Variants in UBA6 observed in about 807,000 individuals in gnomAD.
UBA6 encodes ubiquitin like modifier activating enzyme 6, also known as ubiquitin-like modifier-activating enzyme 6.
Under a neutral mutation model 148.3 loss-of-function variants are expected in UBA6, and 87 were observed. That is an observed-to-expected ratio of 0.59 (90% CI 0.49 to 0.70). The LOEUF is 0.70. Among genes scored for constraint, UBA6 ranks in the 30% least tolerant of loss-of-function variants. The probability of loss-of-function intolerance (pLI) is 0.00; values close to 1 mark genes in which losing one functional copy is unlikely to be tolerated. For missense variants in UBA6, 1,186 were observed against 1,241.2 expected (o/e 0.96, Z 0.67); for synonymous variants, 376 against 401.0 (o/e 0.94, Z 0.75).
At chr4:67,687,034 GT>G (rs71219066) in intron 2 of UBA6, among the ~76,000 whole-genome samples, 1,770 of 82,490 alleles carry the variant, frequency 0.021, 37 homozygotes, top group African/African-American at 0.075. Flanking sequence ...TTAAGACTAT[GT>G]TTTTTTTTTT....
At chr4:67,664,249 TATA>T (rs1729934820) in intron 10 of UBA6, among the ~76,000 whole-genome samples, 1 of 152,040 alleles carries the variant, frequency 6.6e-6, no homozygotes, top group African/African-American at 2.4e-5. Context: ...ACCATATTTT[TATA>T]ATACCAGGTT....
At chr4:67,643,979 C>T (rs1462046210) in intron 17 of UBA6, among the ~76,000 whole-genome samples, 1 of 152,004 alleles carries the variant, frequency 6.6e-6, no homozygotes, top group African/African-American at 2.4e-5. Flanking sequence ...GAACATCTGC[C>T]TGTTAACTAT....
chr4:67,674,321 C>A (rs1730224104), intron 6 of UBA6, among the ~76,000 whole-genome samples: 1 of 152,134 alleles, frequency 6.6e-6, no homozygotes, highest in Non-Finnish European at 1.5e-5. Flanking sequence ...GAATGCAAGG[C>A]CCTTACCGCT....
At chr4:67,684,514 G>A (rs1038976502) in intron 2 of UBA6, among the ~76,000 whole-genome samples, 3 of 151,874 alleles carry the variant, frequency 2.0e-5, no homozygotes, top group Non-Finnish European at 2.9e-5. Context: ...TTAATTTCCC[G>A]CTTAAATGCA....
intron 12 of UBA6, chr4:67,662,822 C>A: frequency 4.8e-6 from 1 of 208,436 alleles, no homozygotes; most frequent in Non-Finnish European, 9.6e-6. Flanking sequence ...TCTGACTTAA[C>A]AGGATATAAA....
At chr4:67,673,860 G>A in intron 6 of UBA6, 83 bp from the exon 7 acceptor site, 1 of 971,142 alleles carries the variant, frequency 1.0e-6, no homozygotes, top group East Asian at 2.6e-5. Flanking sequence ...ATGTCAGTTT[G>A]CGTTGTGCTA....
Position 67,624,041 on chromosome 4 carries a change from G to C in UBA6, c.2840+85C>G, listed in dbSNP as rs911491079. The C allele has an allele frequency of 2.8e-5, 33 of 1,192,362 alleles. No individual in the cohort carries two copies. The African/African-American group carries it at 5.0e-4, about 18-fold the overall frequency. 73.9% of individuals were successfully genotyped at this position (1,192,362 alleles called of 1,614,324 possible). Reference sequence around the variant, plus strand: ...CACATACACAATAGAAGAAAAAAGAGGTGAAGCTAGTATTTTTCCCTTTTA... The same window carrying C: ...CACATACACAATAGAAGAAAAAAGACGTGAAGCTAGTATTTTTCCCTTTTA... On this transcript the variant is annotated intron_variant, in intron 30 of 32. Transcript: ENST00000322244.
chr4:67,660,669 G>A (rs1330551233), intron 13 of UBA6, among the ~76,000 whole-genome samples: 2 of 152,194 alleles, frequency 1.3e-5, no homozygotes, highest in Non-Finnish European at 2.9e-5. Flanking sequence ...GGATAATGTG[G>A]GGTTGGAGCC....
chr4:67,686,890 G>T (rs1434213781), intron 2 of UBA6, among the ~76,000 whole-genome samples: 1 of 127,824 alleles, frequency 7.8e-6, no homozygotes. Flanking sequence ...ACAGTTTGAG[G>T]TTACAGAGAG....
chr4:67,662,262 C>T lies in UBA6; in HGVS notation c.1038-7G>A, dbSNP rs775042339. 1.9e-6 allele frequency: 3 copies of T among 1,612,768 alleles called. No individual in the cohort carries two copies. In the South Asian group the frequency reaches 3.3e-5, roughly 18 times the overall value. On this transcript the variant is annotated splice_polypyrimidine_tract_variant and splice_region_variant and intron_variant, in intron 12 of 32. Coordinates refer to ENST00000322244, the MANE Select transcript of UBA6 (RefSeq NM_018227.6). ...TTCTGAATCTTGTTGGCATCTACAA[C>T]TCAAAACAGAACACCCTAACTTTAA...
intron 17 of UBA6, among the ~76,000 whole-genome samples, chr4:67,643,694 C>T (rs1177625491): frequency 1.3e-5 from 2 of 151,980 alleles, no homozygotes; most frequent in Non-Finnish European, 2.9e-5. Context: ...GGCTACATTA[C>T]ACTTAAAAAA....
chr4:67,700,263 A>T (rs1373549537), intron 1 of UBA6, among the ~76,000 whole-genome samples: 1 of 152,232 alleles, frequency 6.6e-6, no homozygotes, highest in Non-Finnish European at 1.5e-5. Flanking sequence ...CGAAAAGGCT[A>T]CAGGTTTACA....
intron 2 of UBA6, among the ~76,000 whole-genome samples, chr4:67,687,361 A>G (rs1363155325): frequency 6.6e-6 from 1 of 152,164 alleles, no homozygotes; most frequent in Non-Finnish European, 1.5e-5. Context: ...ATAAAATATT[A>G]TTATTCCTAT....
rs1728590190 is a variant in UBA6, at chr4:67,614,503, A to T, written c.*4494T>A. ...ATACATGACTTTGGTGGCACTATAG[A>T]AAGGAGGAATAAAACCCAGATTTTT... On this transcript the variant is annotated 3_prime_UTR_variant, in exon 33 of 33. Transcript: ENST00000322244. The T allele has an allele frequency of 6.6e-6, 1 of 152,194 alleles. No individual in the cohort carries two copies. The highest frequency in any genetic ancestry group is 1.5e-5 in the Non-Finnish European group (1 of 68,044). The allele number at this position is 152,194 out of a possible 1,614,324, so 9.4% of individuals were successfully genotyped here.
At chr4:67,699,481 A>G (rs937466811) in intron 1 of UBA6, among the ~76,000 whole-genome samples, 42 of 152,276 alleles carry the variant, frequency 2.8e-4, no homozygotes, top group African/African-American at 9.9e-4. Flanking sequence ...GATTCCAATT[A>G]CCAAGGCAAA....
At chr4:67,624,934 G>C in intron 29 of UBA6, 60 bp downstream of exon 29, 1 of 1,402,984 alleles carries the variant, frequency 7.1e-7, no homozygotes. Context: ...GGTATGACGG[G>C]GAAGTCAGGG....
At chr4:67,663,035 T>C (rs1396254473) in intron 12 of UBA6, 104 bp downstream of exon 12, 6 of 719,318 alleles carry the variant, frequency 8.3e-6, no homozygotes, top group Admixed American at 2.7e-5. Flanking sequence ...GGTATATCTA[T>C]TGGTATTGTA....
rs779272193 is a variant in UBA6, at chr4:67,631,857, T to C, written c.2194A>G (p.Ser732Gly). 1.2e-6 allele frequency: 2 copies of C among 1,612,222 alleles called. No homozygotes were observed. The highest frequency in any genetic ancestry group is 1.7e-6 in the Non-Finnish European group (2 of 1,179,088). ...FPLDIRLKDG[S>G]LFWQSPKRPP... ...ATTTATTCTCAACATTTATACTTAC[T>C]GCCATCTTTTAATCGTATGTCCAGA... The change falls in exon 24 of 33, where the codon AGT (serine) becomes GGT (glycine). Residue 732 changes from serine (S) to glycine (G), a missense_variant and splice_region_variant. Physicochemically the swap from Ser to Gly is moderately conservative, Grantham distance 56. Transcript: ENST00000322244.
intron 2 of UBA6, among the ~76,000 whole-genome samples, chr4:67,692,919 G>A (rs1577843350): frequency 6.6e-6 from 1 of 152,196 alleles, no homozygotes; most frequent in Admixed American, 6.5e-5. Flanking sequence ...GGGTTCCGAC[G>A]ATTCAAGATT....
Sources: gnomAD v4.1 joint callset for allele counts (sites outside exome capture counted in the v4.1 genomes callset) on GRCh38, gnomAD v4.1.1 for gene constraint, MANE v1.5 for transcripts, NCBI Gene and HGNC (gene_info 2026-07-23, HGNC 2026-07-21) for gene names.